TRPC4AP: variants seen among roughly 807,000 people sequenced by gnomAD.
TRPC4AP encodes transient receptor potential cation channel subfamily C member 4 associated protein, also known as short transient receptor potential channel 4-associated protein.
A neutral mutation model predicts 99.0 loss-of-function variants in TRPC4AP; 45 were observed. The ratio of observed to expected loss-of-function variants is 0.45; its 90% CI spans 0.36 to 0.58. The LOEUF is 0.58. TRPC4AP is among the 20% of genes least tolerant of loss of function. The pLI, the probability that TRPC4AP is intolerant of heterozygous loss-of-function variation, is 0.00. For missense variants in TRPC4AP, 879 were observed against 985.3 expected, an observed-to-expected ratio of 0.89 and a Z score of 1.44; for synonymous variants, 408 against 385.8, an observed-to-expected ratio of 1.06 and a Z score of -0.67.
Position 35,002,877 on chromosome 20 carries a change from C to T in TRPC4AP, c.*269G>A, listed in dbSNP as rs1287684817. On this transcript the variant is annotated 3_prime_UTR_variant, in exon 19 of 19. Transcript: ENST00000252015. The stretch of plus-strand genomic sequence containing the variant: ...AGAGCTAATGCTAAATGTCCTCTTA[C>T]CTCTGGGTGGCCCTGGGCCCCAGGG... The T allele has an allele frequency of 7.2e-6, 3 of 414,866 alleles. No homozygotes were observed. Among genetic ancestry groups the T allele is most frequent in the Middle Eastern group, 6.6e-4 (1 of 1,524 alleles). 25.7% of individuals were successfully genotyped at this position (414,866 alleles called of 1,614,324 possible).
rs955901720 is a variant in TRPC4AP at position 35,068,976 on chromosome 20, CACAA to C, written c.414+316_414+319del. 1.5e-4 allele frequency among the ~76,000 whole-genome samples: 12 copies of C among 78,966 alleles called. No homozygotes were observed. In the East Asian group the frequency reaches 2.4e-3, roughly 16 times the overall value. The allele number at this position is 78,966 out of a possible 152,430, so 51.8% of individuals were successfully genotyped here. A position where few individuals can be genotyped will look rare whatever the true frequency, so the allele number is the denominator to read the frequency against. On this transcript the variant is annotated intron_variant, in intron 3 of 18. Coordinates refer to ENST00000252015, the MANE Select transcript of TRPC4AP (RefSeq NM_015638.3). Reference sequence around the variant, plus strand: ...ACACACACACACACACACACACACACACAAAAAAAACAAAACATCTTAAGCAGGA... The same window carrying C: ...ACACACACACACACACACACACACACAAAAAACAAAACATCTTAAGCAGGA...
At chr20:35,031,174 T>A (rs1410390552) in intron 8 of TRPC4AP, among the ~76,000 whole-genome samples, 3 of 152,108 alleles carry the variant, frequency 2.0e-5, no homozygotes, top group Non-Finnish European at 4.4e-5. Flanking sequence ...TATTGGAATA[T>A]CCTTGGGCAT....
intron 8 of TRPC4AP, among the ~76,000 whole-genome samples, chr20:35,028,780 C>T (rs543423908): frequency 6.6e-6 from 1 of 152,168 alleles, no homozygotes; most frequent in Non-Finnish European, 1.5e-5. Flanking sequence ...AGGTCTCCAG[C>T]TGTTGTTTTT....
intron 2 of TRPC4AP, among the ~76,000 whole-genome samples, chr20:35,072,738 T>C (rs2084353285): frequency 1.3e-5 from 2 of 152,192 alleles, no homozygotes; most frequent in Admixed American, 1.3e-4. Flanking sequence ...TTTGGTTCTT[T>C]TGGCTTAGGA....
Position 35,086,481 on chromosome 20 carries a change from G to A in TRPC4AP, c.168+6133C>T, listed in dbSNP as rs8124078. Among the ~76,000 whole-genome samples the A allele has an allele frequency of 9.7e-4, 121 of 125,038 alleles. 6 individuals are homozygous for A. Among genetic ancestry groups the A allele is most frequent in the African/African-American group, 2.7e-3 (80 of 29,172 alleles). 82.0% of individuals were successfully genotyped at this position (125,038 alleles called of 152,430 possible). ...TGTGTGTGTGTGTGTGTGTGTATGT[G>A]TGTGTATATATATATGTGTATATAT... is the stretch of plus-strand genomic sequence containing the variant. On this transcript the variant is annotated intron_variant, in intron 1 of 18. Transcript: ENST00000252015.
At chr20:35,092,165 A>G (rs556004257) in intron 1 of TRPC4AP, among the ~76,000 whole-genome samples, 1 of 152,332 alleles carries the variant, frequency 6.6e-6, no homozygotes, top group South Asian at 2.1e-4. Context: ...AAGGGGAAGG[A>G]AAGAGTGTCA....
chr20:35,029,617 C>T (rs1189551314), intron 8 of TRPC4AP, among the ~76,000 whole-genome samples: 2 of 143,768 alleles, frequency 1.4e-5, no homozygotes, highest in Non-Finnish European at 3.0e-5. Context: ...CTATATTTCC[C>T]AAGTTACTTT....
At chr20:35,032,941 G>A (rs375210165) in intron 8 of TRPC4AP, among the ~76,000 whole-genome samples, 85 of 152,110 alleles carry the variant, frequency 5.6e-4, no homozygotes, top group African/African-American at 2.0e-3. Flanking sequence ...GGTAGCTCAC[G>A]CCTGTAATCC....
chr20:35,035,012 A>G (rs771809828), intron 8 of TRPC4AP, 111 bp downstream of exon 8: 16 of 1,243,652 alleles, frequency 1.3e-5, no homozygotes, highest in Non-Finnish European at 1.8e-5. Context: ...CTTGAGGACA[A>G]TTCTACTCTG....
chr20:35,049,592 A>G (rs2083647933), intron 6 of TRPC4AP, among the ~76,000 whole-genome samples: 1 of 152,236 alleles, frequency 6.6e-6, no homozygotes, highest in Admixed American at 6.5e-5. Context: ...TGATTTCAGC[A>G]AAGTAACATG....
rs1427863596 is a variant in TRPC4AP, at chr20:35,003,040, G to GGCAGGCAGAGAGCA, written c.*92_*105dup. ...ACCAAGCCTGTACCCAAAGACCTGG[G>GGCAGGCAGAGAGCA]GCAGGCAGAGAGCAGCAGGGAGGAA... On this transcript the variant is annotated 3_prime_UTR_variant, in exon 19 of 19. Transcript: ENST00000252015. 2.9e-5 allele frequency: 43 copies of GGCAGGCAGAGAGCA among 1,491,456 alleles called. No homozygotes were observed. The Admixed American group carries it at 7.9e-4, about 27-fold the overall frequency. The allele number at this position is 1,491,456 out of a possible 1,614,324, so 92.4% of individuals were successfully genotyped here.
chr20:35,057,264 T>C (rs572079416), intron 4 of TRPC4AP, among the ~76,000 whole-genome samples: 106 of 152,282 alleles, frequency 7.0e-4, no homozygotes, highest in South Asian at 1.4e-3. Context: ...CAAGGAAACA[T>C]AGAAGCTGGA....
intron 16 of TRPC4AP, 116 bp from the exon 17 acceptor site, chr20:35,004,686 A>C: frequency 1.3e-6 from 1 of 789,758 alleles, no homozygotes; most frequent in Non-Finnish European, 2.1e-6. Context: ...CTCATCATCA[A>C]AACAGCTTCA....
At chr20:35,088,925 T>C (rs923726795) in intron 1 of TRPC4AP, among the ~76,000 whole-genome samples, 41 of 152,114 alleles carry the variant, frequency 2.7e-4, no homozygotes, top group African/African-American at 9.7e-4. Context: ...TACCAAGGAC[T>C]GGGAGGGAGA....
At chr20:35,049,479 A>C (rs2083644436) in intron 6 of TRPC4AP, among the ~76,000 whole-genome samples, 1 of 69,404 alleles carries the variant, frequency 1.4e-5, no homozygotes, top group South Asian at 4.6e-4. Context: ...ACACCAGTTC[A>C]GATAGCGGTA....
chr20:35,054,338 A>G (rs1414453551), intron 5 of TRPC4AP, among the ~76,000 whole-genome samples: 2 of 152,222 alleles, frequency 1.3e-5, no homozygotes, highest in African/African-American at 4.8e-5. Flanking sequence ...TAACATTTAT[A>G]TATTGTTTTA....
rs1308023063 is a variant in TRPC4AP at position 35,032,540 on chromosome 20, C to T, written c.1051+2583G>A. ...AGGCTGAAATGCAGTGGCAGGATCT[C>T]GGCTCACTGCAACCTCTGCCTCCCA... On this transcript the variant is annotated intron_variant, in intron 8 of 18. Transcript: ENST00000252015. Among the ~76,000 whole-genome samples, 5 of 141,910 alleles carry T rather than the reference C, an allele frequency of 3.5e-5. 1 individual carries two copies. Among genetic ancestry groups the T allele is most frequent in the African/African-American group, 5.3e-5 (2 of 37,960 alleles). The allele number at this position is 141,910 out of a possible 152,430, so 93.1% of individuals were successfully genotyped here.
rs1569157427 is a variant in TRPC4AP at position 35,086,461 on chromosome 20, GTGTGTGTGTGTGTGTA to G, written c.168+6137_168+6152del. Among the ~76,000 whole-genome samples the G allele has an allele frequency of 5.8e-4, 33 of 57,282 alleles. 1 individual carries two copies. The highest frequency in any genetic ancestry group is 8.6e-4 in the Admixed American group (4 of 4,634). The allele number at this position is 57,282 out of a possible 152,430, so 37.6% of individuals were successfully genotyped here. A position where few individuals can be genotyped will look rare whatever the true frequency, so the allele number is the denominator to read the frequency against. ...TGTGTGTGTGTGTGTGTGTGTGTGT[GTGTGTGTGTGTGTGTA>G]TGTGTGTGTATATATATATGTGTAT... is the stretch of plus-strand genomic sequence containing the variant. On this transcript the variant is annotated intron_variant, in intron 1 of 18. Transcript: ENST00000252015.
chr20:35,084,636 A>G (rs1345140606), intron 1 of TRPC4AP, among the ~76,000 whole-genome samples: 1 of 114,168 alleles, frequency 8.8e-6, no homozygotes, highest in African/African-American at 3.4e-5. Flanking sequence ...ATATATGTGT[A>G]TATGTATGTA....
Sources: allele counts gnomAD v4.1 joint callset (sites outside exome capture counted in the v4.1 genomes callset), GRCh38; gene constraint gnomAD v4.1.1; transcripts MANE v1.5; gene names NCBI Gene and HGNC (gene_info 2026-07-23, HGNC 2026-07-21).